The following C12orf42 variants were observed in gnomAD, a reference collection of about 807,000 sequenced individuals.
The protein encoded by C12orf42 is chromosome 12 open reading frame 42.
Under a neutral mutation model 21.6 loss-of-function variants are expected in C12orf42, and 25 were observed. The observed-to-expected ratio is 1.16, with a 90% CI of 0.84 to 1.62. The LOEUF is 1.62. C12orf42 is among the 40% of genes most tolerant of loss of function. The pLI is 0.00. For synonymous variants in C12orf42, 174 were observed against 175.0 expected, an observed-to-expected ratio of 0.99 and a Z score of 0.05; for missense variants, 483 against 459.3, an observed-to-expected ratio of 1.05 and a Z score of -0.47.
At chr12:103,507,075 T>C in the C12orf42 span, among the ~76,000 whole-genome samples, 1 of 11,964 alleles carries the variant, frequency 8.4e-5, no homozygotes, top group Non-Finnish European at 1.1e-4. Flanking sequence ...TATAAATATA[T>C]ATTTATATAT....
chr12:103,167,987 T>C, the C12orf42 span: 1 of 444,814 alleles, frequency 2.2e-6, no homozygotes, highest in South Asian at 1.6e-5. Flanking sequence ...TTCTGAAAAA[T>C]TTCCATGTTT....
intron 4 of C12orf42, among the ~76,000 whole-genome samples, chr12:103,339,515 T>C (rs2041992286): frequency 1.3e-5 from 2 of 152,118 alleles, no homozygotes; most frequent in African/African-American, 4.8e-5. Context: ...TCCATGTCCA[T>C]AAAAAAGTGG....
chr12:103,169,323 A>C, the C12orf42 span, among the ~76,000 whole-genome samples: 1 of 152,022 alleles, frequency 6.6e-6, no homozygotes, highest in African/African-American at 2.4e-5. Flanking sequence ...CTATAAAACC[A>C]ACCACATCTC....
intron 3 of C12orf42, among the ~76,000 whole-genome samples, chr12:103,370,172 A>G (rs2045064826): frequency 1.3e-5 from 2 of 152,168 alleles, no homozygotes. Context: ...AATCAAAACC[A>G]CAATGAAATA....
chr12:103,059,268 C>T, the C12orf42 span, among the ~76,000 whole-genome samples: 1 of 152,160 alleles, frequency 6.6e-6, no homozygotes, highest in Non-Finnish European at 1.5e-5. Flanking sequence ...TCTCCCAAGA[C>T]TGAACCAGGA....
intron 5 of C12orf42, among the ~76,000 whole-genome samples, chr12:103,304,904 G>T (rs776383437): frequency 6.6e-6 from 1 of 152,136 alleles, no homozygotes; most frequent in South Asian, 2.1e-4. Context: ...CCTTTGTATT[G>T]AGTCAAAATC....
At chr12:103,168,664 A>G in the C12orf42 span, among the ~76,000 whole-genome samples, 1 of 152,214 alleles carries the variant, frequency 6.6e-6, no homozygotes, top group Non-Finnish European at 1.5e-5. Flanking sequence ...AACTGGGTAT[A>G]TACCCAAAGG....
At position 103,308,297 on chromosome 12, in the gene C12orf42, T is replaced by G. The variant is rs1487305241; in HGVS notation, c.260-1952A>C. On this transcript the variant is annotated intron_variant, in intron 4 of 5. Transcript: ENST00000548883. ...GCAACATAAAAGTATATAATTTTGATTTTTAAGAGGCAAAGAATAAAAACT... is the reference window on the plus strand; with the variant it reads ...GCAACATAAAAGTATATAATTTTGAGTTTTAAGAGGCAAAGAATAAAAACT... Among the ~76,000 whole-genome samples the G allele has an allele frequency of 2.0e-5, 3 of 152,202 alleles. No individual in the cohort carries two copies. In the East Asian group the frequency reaches 5.8e-4, roughly 29 times the overall value.
the C12orf42 span, chr12:103,505,348 AG>A: frequency 3.5e-6 from 1 of 282,970 alleles, no homozygotes; most frequent in Non-Finnish European, 6.7e-6. Context: ...TGGACATTGG[AG>A]CAGAATAAGG....
chr12:103,186,680 T>C, the C12orf42 span, among the ~76,000 whole-genome samples: 1 of 152,142 alleles, frequency 6.6e-6, no homozygotes, highest in Non-Finnish European at 1.5e-5. Flanking sequence ...AATGGATGTA[T>C]GTGAGGGATA....
the C12orf42 span, among the ~76,000 whole-genome samples, chr12:103,062,619 T>C: frequency 6.6e-6 from 1 of 152,016 alleles, no homozygotes; most frequent in Non-Finnish European, 1.5e-5. Flanking sequence ...TGATTACTTT[T>C]GCACCAACCT....
At chr12:103,130,519 C>T in the C12orf42 span, among the ~76,000 whole-genome samples, 1 of 152,120 alleles carries the variant, frequency 6.6e-6, no homozygotes, top group East Asian at 1.9e-4. Flanking sequence ...ACCAGTGTCA[C>T]TGTCCCAGGT....
intron 5 of C12orf42, among the ~76,000 whole-genome samples, chr12:103,271,871 A>G (rs1193323774): frequency 6.6e-6 from 1 of 152,212 alleles, no homozygotes; most frequent in African/African-American, 2.4e-5. Flanking sequence ...AGCACTGGAT[A>G]TTAGCTGCAC....
the C12orf42 span, among the ~76,000 whole-genome samples, chr12:103,068,378 T>C: frequency 6.6e-6 from 1 of 152,168 alleles, no homozygotes; most frequent in Non-Finnish European, 1.5e-5. Flanking sequence ...AAAGGATAGT[T>C]GTATTCTGTT....
At chr12:103,228,820 A>G in the C12orf42 span, among the ~76,000 whole-genome samples, 1 of 151,582 alleles carries the variant, frequency 6.6e-6, no homozygotes, top group East Asian at 1.9e-4. Context: ...CACTAATATA[A>G]TAATGATCTC....
At chr12:103,328,035 T>A (rs888244769) in intron 4 of C12orf42, among the ~76,000 whole-genome samples, 1 of 152,184 alleles carries the variant, frequency 6.6e-6, no homozygotes, top group African/African-American at 2.4e-5. Flanking sequence ...TAGGATTGAC[T>A]CCATCTCTCA....
the C12orf42 span, among the ~76,000 whole-genome samples, chr12:103,129,409 G>A: frequency 1.3e-5 from 2 of 152,196 alleles, no homozygotes; most frequent in African/African-American, 4.8e-5. Context: ...AGATATGAAA[G>A]AGGGGAAGTT....
At chr12:103,530,645 C>T in the C12orf42 span, among the ~76,000 whole-genome samples, 1 of 152,012 alleles carries the variant, frequency 6.6e-6, no homozygotes, top group Non-Finnish European at 1.5e-5. Flanking sequence ...AAAACCCACA[C>T]CATCGGAAAC....
the C12orf42 span, among the ~76,000 whole-genome samples, chr12:103,192,388 A>C: frequency 1.8e-4 from 27 of 152,176 alleles, no homozygotes; most frequent in African/African-American, 6.5e-4. Context: ...CTGTAGTCCC[A>C]GCCACTCAGG....
Sources: gnomAD v4.1 joint callset for allele counts (sites outside exome capture counted in the v4.1 genomes callset) on GRCh38, gnomAD v4.1.1 for gene constraint, MANE v1.5 for transcripts, NCBI Gene and HGNC (gene_info 2026-07-23, HGNC 2026-07-21) for gene names.